Variants in CDH18 observed in about 807,000 individuals in gnomAD.
The protein encoded by CDH18 is cadherin 18.
A neutral mutation model predicts 67.9 loss-of-function variants in CDH18; 31 were observed. The observed-to-expected ratio is 0.46, with a 90% CI of 0.34 to 0.62. The LOEUF (loss-of-function observed/expected upper bound fraction) is 0.62. Among genes scored for constraint, CDH18 ranks in the 20% least tolerant of loss-of-function variants. The probability of loss-of-function intolerance (pLI) is 0.01; values close to 1 mark genes in which losing one functional copy is unlikely to be tolerated. For missense variants in CDH18, 890 were observed against 975.5 expected, an observed-to-expected ratio of 0.91 and a Z score of 1.17; for synonymous variants, 362 against 347.2, an observed-to-expected ratio of 1.04 and a Z score of -0.48.
chr5:20,031,500 A>G (rs1739396820), intron 2 of CDH18, among the ~76,000 whole-genome samples: 1 of 152,042 alleles, frequency 6.6e-6, no homozygotes, highest in Non-Finnish European at 1.5e-5. Flanking sequence ...TACCTCACTT[A>G]CACCTCATAA....
At chr5:19,543,350 GA>G (rs1198626058) in intron 9 of CDH18, among the ~76,000 whole-genome samples, 1 of 152,058 alleles carries the variant, frequency 6.6e-6, no homozygotes, top group African/African-American at 2.4e-5. Context: ...CTCAACTGTA[GA>G]TCACGTATGT....
chr5:19,482,866 A>G (rs990196166), intron 12 of CDH18, among the ~76,000 whole-genome samples: 3 of 151,938 alleles, frequency 2.0e-5, no homozygotes, highest in Non-Finnish European at 2.9e-5. Flanking sequence ...TTGTACATTT[A>G]CTCACCCTAA....
At chr5:20,068,074 G>A (rs1300823689) in intron 2 of CDH18, among the ~76,000 whole-genome samples, 3 of 151,844 alleles carry the variant, frequency 2.0e-5, no homozygotes, top group Admixed American at 6.6e-5. Context: ...CACTTTCAAC[G>A]TGGACTCTAC....
chr5:19,693,754 C>T (rs1561065473), intron 5 of CDH18, among the ~76,000 whole-genome samples: 3 of 151,746 alleles, frequency 2.0e-5, no homozygotes, highest in Non-Finnish European at 2.9e-5. Context: ...AAAATTAGCT[C>T]AGCATAGGGT....
chr5:20,516,119 T>C (rs207465703), intron 1 of CDH18, among the ~76,000 whole-genome samples: 2 of 152,028 alleles, frequency 1.3e-5, no homozygotes, highest in Admixed American at 6.6e-5. Flanking sequence ...TGATAATGAA[T>C]GCTAATTGTA....
chr5:20,508,241 T>C (rs1037917381), intron 1 of CDH18, among the ~76,000 whole-genome samples: 1 of 149,552 alleles, frequency 6.7e-6, no homozygotes, highest in Non-Finnish European at 1.5e-5. Context: ...GCTCAGAAAT[T>C]CAACAAATAC....
intron 5 of CDH18, among the ~76,000 whole-genome samples, chr5:19,707,177 C>G (rs772743684): frequency 2.1e-4 from 32 of 152,004 alleles, no homozygotes; most frequent in Non-Finnish European, 4.1e-4. Flanking sequence ...AAAGACCCAT[C>G]ATTGGCAGCA....
chr5:19,589,731 G>A (rs1214534414), intron 7 of CDH18, among the ~76,000 whole-genome samples: 1 of 152,040 alleles, frequency 6.6e-6, no homozygotes, highest in Non-Finnish European at 1.5e-5. Flanking sequence ...GTGTGCTCTT[G>A]TGCCCACTGA....
chr5:19,777,437 T>C (rs929990500), intron 3 of CDH18, among the ~76,000 whole-genome samples: 1 of 152,164 alleles, frequency 6.6e-6, no homozygotes, highest in Non-Finnish European at 1.5e-5. Context: ...CAATTATACA[T>C]AGAGCTCAGA....
chr5:20,421,939 C>G (rs1560986197), intron 1 of CDH18, among the ~76,000 whole-genome samples: 1 of 150,736 alleles, frequency 6.6e-6, no homozygotes, highest in Non-Finnish European at 1.5e-5. Context: ...TATACCTATA[C>G]TCATCATTTA....
intron 2 of CDH18, among the ~76,000 whole-genome samples, chr5:20,112,431 G>A (rs1747557315): frequency 6.6e-6 from 1 of 152,192 alleles, no homozygotes; most frequent in Non-Finnish European, 1.5e-5. Flanking sequence ...ATGCCTGGCT[G>A]TTATCAGATA....
At chr5:19,613,958 G>A (rs907780590) in intron 5 of CDH18, among the ~76,000 whole-genome samples, 2 of 151,852 alleles carry the variant, frequency 1.3e-5, no homozygotes, top group African/African-American at 4.8e-5. Context: ...AATATTTGAA[G>A]CATGTCATCT....
At chr5:20,169,782 G>C (rs1736555408) in intron 2 of CDH18, among the ~76,000 whole-genome samples, 1 of 151,834 alleles carries the variant, frequency 6.6e-6, no homozygotes, top group Non-Finnish European at 1.5e-5. Flanking sequence ...TTTTCAATTG[G>C]AGAAAAAAAT....
At chr5:20,484,913 C>A (rs1275910138) in intron 1 of CDH18, among the ~76,000 whole-genome samples, 1 of 151,812 alleles carries the variant, frequency 6.6e-6, no homozygotes, top group Non-Finnish European at 1.5e-5. Flanking sequence ...TTTTATCATA[C>A]ATTTTGAAAC....
intron 2 of CDH18, among the ~76,000 whole-genome samples, chr5:19,914,895 T>G (rs1791583319): frequency 6.6e-6 from 1 of 152,046 alleles, no homozygotes; most frequent in African/African-American, 2.4e-5. Context: ...TAGAAGGAAC[T>G]TAACAATTTT....
intron 2 of CDH18, among the ~76,000 whole-genome samples, chr5:20,217,268 G>A (rs560494320): frequency 8.6e-5 from 13 of 151,828 alleles, no homozygotes; most frequent in Non-Finnish European, 1.8e-4. Context: ...GGTGTATCTT[G>A]AGTAGAAAGT....
At chr5:19,684,658 A>G (rs1760812867) in intron 5 of CDH18, among the ~76,000 whole-genome samples, 2 of 151,892 alleles carry the variant, frequency 1.3e-5, no homozygotes, top group Admixed American at 1.3e-4. Context: ...AACAATGTTA[A>G]TTTTTAAAAT....
intron 1 of CDH18, among the ~76,000 whole-genome samples, chr5:20,344,997 C>G (rs1164070314): frequency 1.3e-5 from 2 of 152,148 alleles, no homozygotes; most frequent in Non-Finnish European, 2.9e-5. Flanking sequence ...CCTTTATGAA[C>G]AGTGAACACT....
At chr5:20,254,356 C>A (rs1209639112) in intron 2 of CDH18, among the ~76,000 whole-genome samples, 1 of 152,170 alleles carries the variant, frequency 6.6e-6, no homozygotes, top group African/African-American at 2.4e-5. Flanking sequence ...AGGTGATCAG[C>A]CTGCCTCATC....
Sources: gnomAD v4.1 joint callset for allele counts (sites outside exome capture counted in the v4.1 genomes callset) on GRCh38, gnomAD v4.1.1 for gene constraint, MANE v1.5 for transcripts, NCBI Gene and HGNC (gene_info 2026-07-23, HGNC 2026-07-21) for gene names.